ANKRD6: variants seen among roughly 807,000 people sequenced by gnomAD.
ANKRD6 encodes the protein ankyrin repeat domain-containing protein 6.
Under a neutral mutation model 82.3 loss-of-function variants are expected in ANKRD6, and 56 were observed. The observed-to-expected ratio is 0.68, with a 90% CI of 0.55 to 0.85. ANKRD6 has a LOEUF of 0.85. Among genes scored for constraint, ANKRD6 ranks in the 40% least tolerant of loss-of-function variants. The pLI, the probability that ANKRD6 is intolerant of heterozygous loss-of-function variation, is 0.00. For synonymous variants in ANKRD6, 347 were observed against 352.1 expected (o/e 0.99, Z 0.16); for missense variants, 852 against 907.6 (o/e 0.94, Z 0.79).
chr6:89,556,334 T>G (rs1450910162), intron 1 of ANKRD6, among the ~76,000 whole-genome samples: 1 of 152,198 alleles, frequency 6.6e-6, no homozygotes, highest in African/African-American at 2.4e-5. Context: ...GGCTCAATGG[T>G]TCTGTCTTTC....
intron 1 of ANKRD6, among the ~76,000 whole-genome samples, chr6:89,448,612 T>G (rs936819036): frequency 6.6e-6 from 1 of 152,174 alleles, no homozygotes; most frequent in African/African-American, 2.4e-5. Flanking sequence ...TCATTGACAA[T>G]GTACCTAGTC....
At chr6:89,624,495 A>C (rs1263040129) in intron 12 of ANKRD6, 44 bp from the exon 13 acceptor site, 3 of 1,546,866 alleles carry the variant, frequency 1.9e-6, no homozygotes, top group Non-Finnish European at 2.6e-6. Flanking sequence ...ATACCTGATG[A>C]AGGAATGAAC....
At chr6:89,555,175 C>T (rs1356465158) in intron 1 of ANKRD6, among the ~76,000 whole-genome samples, 1 of 144,826 alleles carries the variant, frequency 6.9e-6, no homozygotes, top group Non-Finnish European at 1.5e-5. Flanking sequence ...TATTCTATCT[C>T]AACTCTCCCG....
chr6:89,482,014 A>G (rs954062677), intron 1 of ANKRD6, among the ~76,000 whole-genome samples: 1 of 152,070 alleles, frequency 6.6e-6, no homozygotes, highest in Non-Finnish European at 1.5e-5. Flanking sequence ...GATTTTTACC[A>G]TTGCCCCTCA....
At chr6:89,620,592 A>G (rs989511668) in intron 9 of ANKRD6, among the ~76,000 whole-genome samples, 1 of 152,118 alleles carries the variant, frequency 6.6e-6, no homozygotes, top group Non-Finnish European at 1.5e-5. Context: ...CGGACCAGAG[A>G]TTGAAGGTTT....
At chr6:89,450,558 G>T (rs1353199090) in intron 1 of ANKRD6, among the ~76,000 whole-genome samples, 1 of 152,126 alleles carries the variant, frequency 6.6e-6, no homozygotes, top group East Asian at 1.9e-4. Context: ...TCACTTTGTT[G>T]CCCAGGCTGG....
intron 1 of ANKRD6, among the ~76,000 whole-genome samples, chr6:89,534,233 A>C (rs1783550652): frequency 6.6e-6 from 1 of 152,174 alleles, no homozygotes; most frequent in Non-Finnish European, 1.5e-5. Context: ...CCATGTTGCC[A>C]CCCTAACAGA....
intron 7 of ANKRD6, among the ~76,000 whole-genome samples, chr6:89,614,804 C>T (rs9451254): frequency 2.1e-5 from 3 of 145,330 alleles, no homozygotes; most frequent in African/African-American, 7.7e-5. Flanking sequence ...GCACACCAGT[C>T]TGGGCAACAG....
chr6:89,581,255 G>T (rs1206813391), intron 2 of ANKRD6, among the ~76,000 whole-genome samples: 1 of 152,190 alleles, frequency 6.6e-6, no homozygotes, highest in Non-Finnish European at 1.5e-5. Context: ...AAAGCATGCT[G>T]CAGTGACTCT....
Position 89,560,095 on chromosome 6 carries a change from A to G in ANKRD6, c.-143-6739A>G, listed in dbSNP as rs367965122. Among the ~76,000 whole-genome samples, 10 of 152,360 alleles carry G rather than the reference A, an allele frequency of 6.6e-5. No homozygotes were observed. The East Asian group carries it at 1.2e-3, about 18-fold the overall frequency. The stretch of plus-strand genomic sequence containing the variant: ...GGGGTTCCTGCCACAAGGAGTTCAT[A>G]TAACCAGGGAGACCAACCTTGAGCC... On this transcript the variant is annotated intron_variant, in intron 1 of 15. Coordinates refer to ENST00000339746, the MANE Select transcript of ANKRD6 (RefSeq NM_001242809.2).
At chr6:89,621,623 C>T (rs1263763140) in intron 9 of ANKRD6, 1 of 355,306 alleles carries the variant, frequency 2.8e-6, no homozygotes, top group African/African-American at 2.1e-5. Context: ...GGAGCACAGT[C>T]TCTGTGCATG....
intron 1 of ANKRD6, among the ~76,000 whole-genome samples, chr6:89,458,869 G>A (rs1582707107): frequency 6.6e-6 from 1 of 152,176 alleles, no homozygotes; most frequent in East Asian, 1.9e-4. Flanking sequence ...CTGTGTCGTG[G>A]TCTTGGCTAG....
At chr6:89,448,573 G>C (rs925474559) in intron 1 of ANKRD6, among the ~76,000 whole-genome samples, 1 of 152,104 alleles carries the variant, frequency 6.6e-6, no homozygotes, top group Admixed American at 6.6e-5. Context: ...CTACTGCTTA[G>C]AAAACAAGAT....
intron 3 of ANKRD6, chr6:89,598,321 A>T: frequency 1.0e-6 from 1 of 985,380 alleles, no homozygotes; most frequent in Non-Finnish European, 1.2e-6. Context: ...CGCCTCAGAA[A>T]TAGTCCAGGA....
At chr6:89,449,029 C>CAAA (rs368751340) in intron 1 of ANKRD6, among the ~76,000 whole-genome samples, 9 of 52,244 alleles carry the variant, frequency 1.7e-4, no homozygotes, top group African/African-American at 3.3e-4. Flanking sequence ...GACTCCGTCT[C>CAAA]AAAAAAAAAA....
chr6:89,443,290 A>G (rs1771657764), intron 1 of ANKRD6, among the ~76,000 whole-genome samples: 2 of 152,110 alleles, frequency 1.3e-5, no homozygotes, highest in African/African-American at 2.4e-5. Context: ...AAGAGGATCC[A>G]TTCAGTTGGT....
At chr6:89,568,601 T>C (rs1205947254) in intron 2 of ANKRD6, among the ~76,000 whole-genome samples, 1 of 152,184 alleles carries the variant, frequency 6.6e-6, no homozygotes, top group Non-Finnish European at 1.5e-5. Context: ...TTTAGAGATA[T>C]AGGGCCTTTA....
intron 15 of ANKRD6, chr6:89,629,460 G>A: frequency 1.6e-6 from 1 of 606,104 alleles, no homozygotes; most frequent in Non-Finnish European, 2.9e-6. Flanking sequence ...TTTGAATAAA[G>A]GAATTAAAGA....
At chr6:89,436,494 C>T (rs1770653425) in intron 1 of ANKRD6, among the ~76,000 whole-genome samples, 1 of 152,276 alleles carries the variant, frequency 6.6e-6, no homozygotes, top group Non-Finnish European at 1.5e-5. Context: ...GCTATAGTTG[C>T]AAAACACCCA....
Sources: allele counts gnomAD v4.1 joint callset (sites outside exome capture counted in the v4.1 genomes callset), GRCh38; gene constraint gnomAD v4.1.1; transcripts MANE v1.5; gene names NCBI Gene and HGNC (gene_info 2026-07-23, HGNC 2026-07-21).